Variants in RCOR1 observed in about 807,000 individuals in gnomAD.
RCOR1 encodes REST corepressor.
RCOR1 carries 12 observed loss-of-function variants against 64.0 expected under a neutral mutation model. The observed-to-expected ratio is 0.19, with a 90% confidence interval of 0.12 to 0.30. The LOEUF is 0.30. Ranked by LOEUF, RCOR1 falls within the 10% of genes least tolerant of loss-of-function variation. The pLI, the probability that RCOR1 is intolerant of heterozygous loss-of-function variation, is 1.00. For synonymous variants in RCOR1, 279 were observed against 227.2 expected (o/e 1.23, Z -2.05); for missense variants, 502 against 621.2 (o/e 0.81, Z 2.04).
At chr14:102,719,413 G>C (rs751324681) in intron 8 of RCOR1, among the ~76,000 whole-genome samples, 1 of 151,606 alleles carries the variant, frequency 6.6e-6, no homozygotes, top group Non-Finnish European at 1.5e-5. Flanking sequence ...CCAACCCCAC[G>C]ACAGGCCCCG....
chr14:102,698,573 C>T lies in RCOR1; in HGVS notation c.446-2705C>T, dbSNP rs1895691068. ...TATTAAAGGAAGGAACCCTTCAAGC[C>T]AGTTTTAAACAAGCAGACCTTCTCC... On this transcript the variant is annotated intron_variant, in intron 3 of 11. Transcript: ENST00000262241. Among the ~76,000 whole-genome samples the T allele has an allele frequency of 2.0e-5, 3 of 152,160 alleles. No homozygotes were observed. In the South Asian group the frequency reaches 6.2e-4, roughly 31 times the overall value.
intron 2 of RCOR1, among the ~76,000 whole-genome samples, chr14:102,631,087 A>G (rs899795725): frequency 1.3e-5 from 2 of 152,110 alleles, no homozygotes; most frequent in African/African-American, 4.8e-5. Context: ...GAACTGGTAT[A>G]TCATCACTTC....
chr14:102,610,152 C>T (rs1893596906), intron 2 of RCOR1, among the ~76,000 whole-genome samples: 1 of 151,096 alleles, frequency 6.6e-6, no homozygotes, highest in African/African-American at 2.4e-5. Context: ...AAAGAGAAAT[C>T]GTCCTTTAAG....
chr14:102,642,145 G>A (rs530615857), intron 2 of RCOR1, among the ~76,000 whole-genome samples: 7 of 151,926 alleles, frequency 4.6e-5, no homozygotes, highest in African/African-American at 1.2e-4. Context: ...TTTACTCCTC[G>A]TGCCCCAGCT....
Position 102,727,147 on chromosome 14 carries a change from C to T in RCOR1, c.*641C>T, listed in dbSNP as rs1017851340. 3 of 152,180 alleles carry T rather than the reference C, an allele frequency of 2.0e-5. No individual in the cohort carries two copies. Among genetic ancestry groups the T allele is most frequent in the Admixed American group, 2.0e-4 (3 of 15,276 alleles). The allele number at this position is 152,180 out of a possible 1,614,324, so 9.4% of individuals were successfully genotyped here. A position where few individuals can be genotyped will look rare whatever the true frequency, so the allele number is the denominator to read the frequency against. ...CTTAAATCTCCCTCTTCTCCCTTCC[C>T]AAGTGTTACAAAGATCATTTACTGC... is the stretch of plus-strand genomic sequence containing the variant. On this transcript the variant is annotated 3_prime_UTR_variant, in exon 12 of 12. Coordinates refer to ENST00000262241, the MANE Select transcript of RCOR1 (RefSeq NM_015156.4).
intron 2 of RCOR1, among the ~76,000 whole-genome samples, chr14:102,635,134 C>G (rs777864622): frequency 6.6e-6 from 1 of 152,078 alleles, no homozygotes; most frequent in Non-Finnish European, 1.5e-5. Context: ...GCACCCAGTC[C>G]AATGTTTCCT....
intron 2 of RCOR1, among the ~76,000 whole-genome samples, chr14:102,623,036 T>C (rs1156524202): frequency 3.9e-5 from 6 of 152,232 alleles, no homozygotes; most frequent in African/African-American, 1.4e-4. Flanking sequence ...TTTCTGTCTT[T>C]TTTATTTTCA....
At chr14:102,703,090 C>T (rs1368991376) in intron 4 of RCOR1, among the ~76,000 whole-genome samples, 1 of 152,166 alleles carries the variant, frequency 6.6e-6, no homozygotes, top group African/African-American at 2.4e-5. Flanking sequence ...GAAAAATTCA[C>T]TAGACGTGCT....
chr14:102,631,369 ATTT>A (rs34740338), intron 2 of RCOR1, among the ~76,000 whole-genome samples: 1 of 143,942 alleles, frequency 6.9e-6, no homozygotes, highest in Non-Finnish European at 1.5e-5. Flanking sequence ...TGCCCAGCTA[ATTT>A]TTTTTTTTTT....
intron 2 of RCOR1, among the ~76,000 whole-genome samples, chr14:102,681,418 G>T (rs139795224): frequency 6.6e-6 from 1 of 152,268 alleles, no homozygotes; most frequent in East Asian, 1.9e-4. Flanking sequence ...CTACTATTTT[G>T]CAAAACAGAT....
chr14:102,614,049 CTA>C, intron 2 of RCOR1, among the ~76,000 whole-genome samples: 1 of 151,794 alleles, frequency 6.6e-6, no homozygotes, highest in East Asian at 1.9e-4. Flanking sequence ...GCATGTGCCA[CTA>C]CACCCGGCTG....
At chr14:102,635,616 C>T (rs1432932402) in intron 2 of RCOR1, among the ~76,000 whole-genome samples, 1 of 152,142 alleles carries the variant, frequency 6.6e-6, no homozygotes, top group East Asian at 1.9e-4. Flanking sequence ...GATTGCATAG[C>T]ATGTTGGTAT....
rs776757810 is a variant in RCOR1 at position 102,701,228 on chromosome 14, G to A, written c.446-50G>A. 3 of 1,418,220 alleles carry A rather than the reference G, an allele frequency of 2.1e-6. No homozygotes were observed. The South Asian group carries it at 3.4e-5, about 16-fold the overall frequency. 87.9% of individuals were successfully genotyped at this position (1,418,220 alleles called of 1,614,324 possible). A position where few individuals can be genotyped will look rare whatever the true frequency, so the allele number is the denominator to read the frequency against. On this transcript the variant is annotated intron_variant, in intron 3 of 11. Transcript: ENST00000262241. The stretch of plus-strand genomic sequence containing the variant: ...TATATCAATTCTAGCAGACCATAGG[G>A]TGTACTCTGTCCCTCAGTTTGTTTA...
intron 2 of RCOR1, among the ~76,000 whole-genome samples, chr14:102,614,525 T>G (rs1197236293): frequency 6.6e-6 from 1 of 152,114 alleles, no homozygotes; most frequent in Non-Finnish European, 1.5e-5. Context: ...CACCCAGCCC[T>G]TCTGGCTCTT....
chr14:102,633,990 A>G (rs540894896), intron 2 of RCOR1, among the ~76,000 whole-genome samples: 1 of 152,302 alleles, frequency 6.6e-6, no homozygotes, highest in East Asian at 1.9e-4. Flanking sequence ...AAATGTACAC[A>G]TACATGCTTG....
intron 2 of RCOR1, among the ~76,000 whole-genome samples, chr14:102,629,369 A>G (rs1244385723): frequency 6.6e-6 from 1 of 151,598 alleles, no homozygotes; most frequent in African/African-American, 2.4e-5. Context: ...TGTTTATTGT[A>G]TGATTCCTTC....
intron 2 of RCOR1, among the ~76,000 whole-genome samples, chr14:102,635,369 T>C (rs181003113): frequency 8.7e-4 from 133 of 152,192 alleles, no homozygotes; most frequent in African/African-American, 3.2e-3. Context: ...CCGGGTGTCA[T>C]GGCAGGTGCC....
chr14:102,654,849 C>G (rs1375662726), intron 2 of RCOR1, among the ~76,000 whole-genome samples: 1 of 142,982 alleles, frequency 7.0e-6, no homozygotes, highest in Non-Finnish European at 1.5e-5. Context: ...CTCTTCGTCA[C>G]CTAGGCTGGA....
intron 2 of RCOR1, chr14:102,662,424 G>A (rs1311370496): frequency 3.6e-6 from 2 of 558,004 alleles, no homozygotes; most frequent in Non-Finnish European, 7.0e-6. Context: ...ATGAACACAA[G>A]TGTCTTGTTG....
Sources: allele counts gnomAD v4.1 joint callset (sites outside exome capture counted in the v4.1 genomes callset), GRCh38; gene constraint gnomAD v4.1.1; transcripts MANE v1.5; gene names NCBI Gene and HGNC (gene_info 2026-07-23, HGNC 2026-07-21).